The following TNFAIP8L1 variants were observed in gnomAD, a reference collection of about 807,000 sequenced individuals.
TNFAIP8L1 encodes the protein tumor necrosis factor alpha-induced protein 8-like protein 1.
For synonymous variants in TNFAIP8L1, 127 were observed against 125.6 expected (o/e 1.01, Z -0.08); for missense variants, 225 against 266.1 (o/e 0.85, Z 1.08).
chr19:4,649,818 G>A (rs1275541891), intron 1 of TNFAIP8L1, among the ~76,000 whole-genome samples: 3 of 152,248 alleles, frequency 2.0e-5, no homozygotes, highest in Non-Finnish European at 2.9e-5. Context: ...CGGAGGGCAG[G>A]GGCGGCCCAT....
chr19:4,643,227 C>T (rs546552149), intron 1 of TNFAIP8L1, among the ~76,000 whole-genome samples: 3 of 150,408 alleles, frequency 2.0e-5, no homozygotes, highest in South Asian at 2.1e-4. Flanking sequence ...TGCAGTGAGC[C>T]GAGATCACGC....
At chr19:4,642,225 A>C (rs1005851150) in intron 1 of TNFAIP8L1, 1 of 152,252 alleles carries the variant, frequency 6.6e-6, no homozygotes, top group African/African-American at 2.4e-5. Context: ...TCACGCCTGT[A>C]ATCCCAGCAC....
intron 1 of TNFAIP8L1, among the ~76,000 whole-genome samples, chr19:4,648,675 CT>C (rs1394707837): frequency 2.6e-5 from 4 of 152,232 alleles, no homozygotes; most frequent in African/African-American, 9.6e-5. Flanking sequence ...CCGGAATCAA[CT>C]TCTTCAGCCT....
intron 1 of TNFAIP8L1, among the ~76,000 whole-genome samples, chr19:4,647,748 G>A (rs950918555): frequency 2.0e-5 from 3 of 150,070 alleles, no homozygotes; most frequent in South Asian, 4.3e-4. Flanking sequence ...TCAGCCTCCC[G>A]AGTACCTGGG....
rs749876340 is a variant in TNFAIP8L1 at position 4,652,253 on chromosome 19, C to T, written c.384C>T (p.His128=). 8.0e-5 allele frequency: 125 copies of T among 1,559,418 alleles called. No individual in the cohort carries two copies. The highest frequency in any genetic ancestry group is 1.0e-4 in the Non-Finnish European group (117 of 1,155,860). ...AGLLECRDLL[H]QAVGPHLTAK... ...TGCTCGAGTGCCGCGACCTGCTGCA[C>T]CAGGCCGTGGGTCCCCACCTGACCG... Residue 128 remains histidine, a synonymous_variant, in exon 2 of 2, where the codon CAC becomes CAT. Coordinates refer to ENST00000327473, the MANE Select transcript of TNFAIP8L1 (RefSeq NM_152362.3).
intron 1 of TNFAIP8L1, among the ~76,000 whole-genome samples, chr19:4,643,588 A>C (rs2088282837): frequency 6.6e-6 from 1 of 152,232 alleles, no homozygotes. Context: ...TTTGAGAACA[A>C]CTGATGTCAC....
In TNFAIP8L1 at chr19:4,652,695, C is replaced by T. The variant is rs2088381845; in HGVS notation, c.*265C>T. On this transcript the variant is annotated 3_prime_UTR_variant, in exon 2 of 2. Coordinates refer to ENST00000327473, the MANE Select transcript of TNFAIP8L1 (RefSeq NM_152362.3). ...CCTACTCTGGGGACCACCTTTCACCCGTTTGTACTTTCTGGGCCACGCCGA... is the reference window on the plus strand; with the variant it reads ...CCTACTCTGGGGACCACCTTTCACCTGTTTGTACTTTCTGGGCCACGCCGA... The T allele has an allele frequency of 4.4e-6, 2 of 452,334 alleles. No individual in the cohort carries two copies. Among genetic ancestry groups the T allele is most frequent in the Non-Finnish European group, 8.0e-6 (2 of 250,548 alleles). 28.0% of individuals were successfully genotyped at this position (452,334 alleles called of 1,614,324 possible). A position where few individuals can be genotyped will look rare whatever the true frequency, so the allele number is the denominator to read the frequency against.
rs1308275406 is a variant in TNFAIP8L1, at chr19:4,653,041, C to T, written c.*611C>T. The T allele has an allele frequency of 6.0e-6, 1 of 167,204 alleles. No individual in the cohort carries two copies. The highest frequency in any genetic ancestry group is 1.5e-5 in the Non-Finnish European group (1 of 68,252). The allele number at this position is 167,204 out of a possible 1,614,324, so 10.4% of individuals were successfully genotyped here. A position where few individuals can be genotyped will look rare whatever the true frequency, so the allele number is the denominator to read the frequency against. ...GGGCCTGGGGCAGGGCGCGGTGGCT[C>T]ACGCCTGTAATCCCAGCACTTTGAG... On this transcript the variant is annotated 3_prime_UTR_variant, in exon 2 of 2. Coordinates refer to ENST00000327473, the MANE Select transcript of TNFAIP8L1 (RefSeq NM_152362.3).
At chr19:4,646,786 G>A (rs759541461) in intron 1 of TNFAIP8L1, among the ~76,000 whole-genome samples, 4 of 151,946 alleles carry the variant, frequency 2.6e-5, no homozygotes, top group African/African-American at 4.8e-5. Context: ...GCCCGCCACC[G>A]CGCCCCGCTA....
chr19:4,642,345 G>T (rs569564867), intron 1 of TNFAIP8L1: 39 of 152,190 alleles, frequency 2.6e-4, no homozygotes, highest in African/African-American at 8.9e-4. Flanking sequence ...GGCGGGCGTG[G>T]TGGTGGGTGC....
At chr19:4,647,858 G>T (rs1157378113) in intron 1 of TNFAIP8L1, among the ~76,000 whole-genome samples, 1 of 151,864 alleles carries the variant, frequency 6.6e-6, no homozygotes, top group Non-Finnish European at 1.5e-5. Context: ...GAACTTCCCA[G>T]TTCAAGCAAT....
chr19:4,648,221 G>A (rs1326506155), intron 1 of TNFAIP8L1, among the ~76,000 whole-genome samples: 1 of 152,250 alleles, frequency 6.6e-6, no homozygotes, highest in Non-Finnish European at 1.5e-5. Context: ...GTAGCAGGCT[G>A]TGTGTGTTTG....
chr19:4,652,659 G>T lies in TNFAIP8L1; in HGVS notation c.*229G>T. ...CCTGGCCCCCGCCCAATGGGGAGAG[G>T]AATTTGGGGCCCTACTCTGGGGACC... On this transcript the variant is annotated 3_prime_UTR_variant, in exon 2 of 2. Coordinates refer to ENST00000327473, the MANE Select transcript of TNFAIP8L1 (RefSeq NM_152362.3). The T allele has an allele frequency of 2.0e-6, 1 of 505,040 alleles. No individual in the cohort carries two copies. The highest frequency in any genetic ancestry group is 3.5e-6 in the Non-Finnish European group (1 of 284,898). The allele number at this position is 505,040 out of a possible 1,614,324, so 31.3% of individuals were successfully genotyped here.
At position 4,652,119 on chromosome 19, in the gene TNFAIP8L1, C is replaced by T; in HGVS notation, c.250C>T (p.Leu84=). Residue 84 remains leucine, a synonymous_variant, in exon 2 of 2, where the codon CTG becomes TTG. Coordinates refer to ENST00000327473, the MANE Select transcript of TNFAIP8L1 (RefSeq NM_152362.3). ...LRGDQLGGEE[L]ALLRRFRHRA... Reference sequence around the variant, plus strand: ...TGGGGACCAGCTGGGCGGTGAGGAGCTGGCGCTGCTGCGGCGCTTCCGCCA... The same window carrying T: ...TGGGGACCAGCTGGGCGGTGAGGAGTTGGCGCTGCTGCGGCGCTTCCGCCA... 6.3e-7 allele frequency: 1 copy of T among 1,584,120 alleles called. No individual in the cohort carries two copies. The highest frequency in any genetic ancestry group is 8.6e-7 in the Non-Finnish European group (1 of 1,165,608).
intron 1 of TNFAIP8L1, among the ~76,000 whole-genome samples, chr19:4,642,718 G>A (rs72977935): frequency 6.6e-6 from 1 of 150,616 alleles, no homozygotes; most frequent in East Asian, 2.0e-4. Flanking sequence ...CGTGGGGCTG[G>A]AGCAGTGAGG....
chr19:4,643,619 T>G (rs1176788803), intron 1 of TNFAIP8L1, among the ~76,000 whole-genome samples: 1 of 152,224 alleles, frequency 6.6e-6, no homozygotes, highest in African/African-American at 2.4e-5. Flanking sequence ...GGCCAACAGA[T>G]TCCCCTCTCT....
At chr19:4,651,751 C>A in intron 1 of TNFAIP8L1, 116 bp from the exon 2 acceptor site, 1 of 1,217,820 alleles carries the variant, frequency 8.2e-7, no homozygotes, top group Non-Finnish European at 1.1e-6. Context: ...TCCGGCATGA[C>A]ACTTTTTAAA....
Position 4,639,580 on chromosome 19 carries a change from G to C in TNFAIP8L1, c.-53G>C, listed in dbSNP as rs1200100676. 6.5e-6 allele frequency: 1 copy of C among 152,752 alleles called. No homozygotes were observed. Among genetic ancestry groups the C allele is most frequent in the African/African-American group, 2.4e-5 (1 of 41,422 alleles). 9.5% of individuals were successfully genotyped at this position (152,752 alleles called of 1,614,324 possible). On this transcript the variant is annotated 5_prime_UTR_variant, in exon 1 of 2. Coordinates refer to ENST00000327473, the MANE Select transcript of TNFAIP8L1 (RefSeq NM_152362.3). ...GCAACGGCCCCGGCCCACGGAGGCG[G>C]CTGGACGGACCCCCGACGGTTGGAC... is the stretch of plus-strand genomic sequence containing the variant.
chr19:4,646,996 G>A (rs187352315), intron 1 of TNFAIP8L1, among the ~76,000 whole-genome samples: 3 of 152,308 alleles, frequency 2.0e-5, no homozygotes, highest in Non-Finnish European at 4.4e-5. Flanking sequence ...TCTGTCACTG[G>A]GAATGATGTC....
Sources: gnomAD v4.1 joint callset for allele counts (sites outside exome capture counted in the v4.1 genomes callset) on GRCh38, gnomAD v4.1.1 for gene constraint, MANE v1.5 for transcripts, NCBI Gene and HGNC (gene_info 2026-07-23, HGNC 2026-07-21) for gene names.